HPSE2: variants seen among roughly 807,000 people sequenced by gnomAD.
The protein encoded by HPSE2 is heparanase 2 (inactive).
In HPSE2, 38 loss-of-function variants were observed where a neutral mutation model predicts 60.5. The observed-to-expected ratio is 0.63, with a 90% confidence interval of 0.48 to 0.82. The LOEUF (loss-of-function observed/expected upper bound fraction) is 0.82, where lower values mean the gene tolerates loss of function less well. Ranked by LOEUF, HPSE2 falls within the 40% of genes least tolerant of loss-of-function variation. The pLI is 0.00. For synonymous variants in HPSE2, 295 were observed against 293.2 expected, an observed-to-expected ratio of 1.01 and a Z score of -0.06; for missense variants, 713 against 740.4, an observed-to-expected ratio of 0.96 and a Z score of 0.43.
At chr10:99,139,355 G>A (rs900781593) in intron 3 of HPSE2, among the ~76,000 whole-genome samples, 1 of 152,000 alleles carries the variant, frequency 6.6e-6, no homozygotes. Flanking sequence ...CAAGTGACGG[G>A]TGCACTAAAA....
At chr10:98,547,661 G>T (rs191139939) in intron 9 of HPSE2, among the ~76,000 whole-genome samples, 7,622 of 116,902 alleles carry the variant, frequency 0.065, 734 homozygotes, top group African/African-American at 0.23. Context: ...GTTGTGGGGT[G>T]GGGGGAGGGG....
At chr10:99,247,630 C>A in the HPSE2 span, among the ~76,000 whole-genome samples, 1 of 152,270 alleles carries the variant, frequency 6.6e-6, no homozygotes, top group Admixed American at 6.5e-5. Context: ...TGAGACCAAT[C>A]CATCTGCTTT....
chr10:98,874,703 A>T (rs1353926004), intron 3 of HPSE2, among the ~76,000 whole-genome samples: 1 of 152,052 alleles, frequency 6.6e-6, no homozygotes, highest in East Asian at 1.9e-4. Flanking sequence ...TTCAAAGGCA[A>T]TGCTTCCAAC....
At chr10:99,235,866 TA>T (rs1284030661), upstream of HPSE2, 2 of 1,431,084 alleles carry the variant, frequency 1.4e-6, no homozygotes, top group African/African-American at 2.8e-5. Flanking sequence ...TGTCCTTATC[TA>T]AAGTGTGTGT....
At chr10:99,204,624 T>A (rs1056599309) in intron 2 of HPSE2, among the ~76,000 whole-genome samples, 5 of 152,156 alleles carry the variant, frequency 3.3e-5, no homozygotes, top group African/African-American at 1.2e-4. Flanking sequence ...TTGAGGAAGC[T>A]CAACAAACCT....
chr10:98,620,951 T>C (rs1178995849), intron 7 of HPSE2, among the ~76,000 whole-genome samples: 1 of 152,140 alleles, frequency 6.6e-6, no homozygotes, highest in East Asian at 1.9e-4. Context: ...ACCCAAGTGA[T>C]AATGTGACAG....
Position 98,904,944 on chromosome 10 carries a change from TC to T in HPSE2, c.611-160889del, listed in dbSNP as rs1182124426. ...ACATTTAATATTTCAGTGTTCTGAC[TC>T]TTCTGTGTAAACATTTCTATCTTAA... On this transcript the variant is annotated intron_variant, in intron 3 of 11. Transcript: ENST00000370552. Among the ~76,000 whole-genome samples, 53 of 152,342 alleles carry T rather than the reference TC, an allele frequency of 3.5e-4. 1 individual carries two copies. The highest frequency in any genetic ancestry group is 1.5e-4 in the Non-Finnish European group (10 of 68,022).
Position 98,788,719 on chromosome 10 carries a change from C to A in HPSE2, c.611-44663G>T, listed in dbSNP as rs377546924. Among the ~76,000 whole-genome samples, 1,157 of 151,958 alleles carry A rather than the reference C, an allele frequency of 7.6e-3. 8 individuals are homozygous for A. The highest frequency in any genetic ancestry group is 0.027 in the South Asian group (128 of 4,774). On this transcript the variant is annotated intron_variant, in intron 3 of 11. Transcript: ENST00000370552. ...AGTGACCCGATTTTCCAGGTGCGTCCGTCACCCCTTTCTTTGACTCGGAAA... is the reference window on the plus strand; with the variant it reads ...AGTGACCCGATTTTCCAGGTGCGTCAGTCACCCCTTTCTTTGACTCGGAAA...
At chr10:98,630,354 C>T (rs754873858) in intron 7 of HPSE2, among the ~76,000 whole-genome samples, 21 of 152,116 alleles carry the variant, frequency 1.4e-4, no homozygotes, top group African/African-American at 3.4e-4. Context: ...CCCGCCACCA[C>T]GCCCAACTAA....
At chr10:98,685,441 A>G (rs1358416628) in intron 6 of HPSE2, among the ~76,000 whole-genome samples, 1 of 152,164 alleles carries the variant, frequency 6.6e-6, no homozygotes, top group African/African-American at 2.4e-5. Context: ...CCCTACCCCG[A>G]CACTCACTAA....
chr10:99,014,421 T>G (rs755316239), intron 3 of HPSE2, among the ~76,000 whole-genome samples: 1 of 152,234 alleles, frequency 6.6e-6, no homozygotes, highest in African/African-American at 2.4e-5. Context: ...AACATGTGCA[T>G]GCATGTGTCT....
intron 3 of HPSE2, among the ~76,000 whole-genome samples, chr10:98,750,733 G>C (rs1443347094): frequency 2.6e-5 from 4 of 152,164 alleles, no homozygotes; most frequent in Non-Finnish European, 5.9e-5. Context: ...AAGGAAGTGT[G>C]AAAGATTGGG....
intron 2 of HPSE2, among the ~76,000 whole-genome samples, chr10:99,209,222 G>T (rs1405794569): frequency 6.6e-6 from 1 of 152,134 alleles, no homozygotes; most frequent in Non-Finnish European, 1.5e-5. Context: ...AAATTCTCCA[G>T]GATTGGTCAT....
intron 11 of HPSE2, among the ~76,000 whole-genome samples, chr10:98,469,305 T>C (rs1289574957): frequency 6.6e-6 from 1 of 152,180 alleles, no homozygotes; most frequent in Non-Finnish European, 1.5e-5. Flanking sequence ...TGCAGCCATC[T>C]CAAAGCTCCA....
At chr10:98,726,750 A>G (rs1230514896) in intron 4 of HPSE2, among the ~76,000 whole-genome samples, 1 of 151,916 alleles carries the variant, frequency 6.6e-6, no homozygotes, top group Non-Finnish European at 1.5e-5. Context: ...GTAATCTAGA[A>G]GGCTAAATAT....
At chr10:99,305,961 A>ATAAGCGCGCGCGCGCG in the HPSE2 span, among the ~76,000 whole-genome samples, 1 of 103,062 alleles carries the variant, frequency 9.7e-6, no homozygotes, top group Non-Finnish European at 1.9e-5. Context: ...ACTCACACAC[A>ATAAGCGCGCGCGCGCG]CGCGCGCGCG....
At chr10:98,847,607 T>C (rs1202708800) in intron 3 of HPSE2, among the ~76,000 whole-genome samples, 3 of 152,234 alleles carry the variant, frequency 2.0e-5, no homozygotes, top group East Asian at 1.9e-4. Flanking sequence ...AGAATCATGA[T>C]AGCTTATTGA....
intron 2 of HPSE2, among the ~76,000 whole-genome samples, chr10:99,158,970 T>A (rs1470961739): frequency 6.6e-6 from 1 of 152,114 alleles, no homozygotes; most frequent in African/African-American, 2.4e-5. Flanking sequence ...GACTGTCAGA[T>A]TGAGTTTCAA....
intron 6 of HPSE2, among the ~76,000 whole-genome samples, chr10:98,660,155 G>A (rs1947184453): frequency 6.6e-6 from 1 of 152,186 alleles, no homozygotes; most frequent in Admixed American, 6.5e-5. Flanking sequence ...AAGTACACAT[G>A]AGGGGAAAAG....
Sources: allele counts gnomAD v4.1 joint callset (sites outside exome capture counted in the v4.1 genomes callset), GRCh38; gene constraint gnomAD v4.1.1; transcripts MANE v1.5; gene names NCBI Gene and HGNC (gene_info 2026-07-23, HGNC 2026-07-21).